Variants in ERI1 observed in about 807,000 individuals in gnomAD.
ERI1 encodes the protein exoribonuclease 1.
ERI1 carries 39 observed loss-of-function variants against 39.7 expected under a neutral mutation model. The observed-to-expected ratio is 0.98, with a 90% CI of 0.76 to 1.28. The LOEUF is 1.28. Among genes scored for constraint, ERI1 ranks in the 50% most tolerant of loss-of-function variants. ERI1 has a pLI of 0.00. For synonymous variants in ERI1, 204 were observed against 149.6 expected (o/e 1.36, Z -2.65); for missense variants, 581 against 416.9 (o/e 1.39, Z -3.43).
chr8:9,021,156 A>G (rs948711098), intron 6 of ERI1, among the ~76,000 whole-genome samples: 2 of 152,152 alleles, frequency 1.3e-5, no homozygotes, highest in Non-Finnish European at 2.9e-5. Flanking sequence ...GAGAGTGTCC[A>G]CAACTTTCCC....
rs1386554700 is a variant in ERI1, at chr8:9,032,816, C to T, written c.*2782C>T. 1.3e-5 allele frequency: 2 copies of T among 152,164 alleles called. No homozygotes were observed. Among genetic ancestry groups the T allele is most frequent in the African/African-American group, 4.8e-5 (2 of 41,430 alleles). 9.4% of individuals were successfully genotyped at this position (152,164 alleles called of 1,614,324 possible). On this transcript the variant is annotated 3_prime_UTR_variant, in exon 7 of 7. Coordinates refer to ENST00000250263, the MANE Select transcript of ERI1 (RefSeq NM_153332.4). Reference sequence around the variant, plus strand: ...CAAGATAATAATGCATGTTTGGCCTCAGCTGTAGTTGCCAAAGAAACTACC... The same window carrying T: ...CAAGATAATAATGCATGTTTGGCCTTAGCTGTAGTTGCCAAAGAAACTACC...
At chr8:9,044,953 T>C (rs745864140) in intron 3 of ERI1, among the ~76,000 whole-genome samples, 2 of 152,052 alleles carry the variant, frequency 1.3e-5, no homozygotes, top group Non-Finnish European at 2.9e-5. Context: ...AGAGTAGTAA[T>C]ATTGCCAGGC....
chr8:9,005,927 G>C (rs1434225005), intron 1 of ERI1, among the ~76,000 whole-genome samples: 2 of 152,084 alleles, frequency 1.3e-5, no homozygotes, highest in Non-Finnish European at 1.5e-5. Flanking sequence ...CCACTTAATT[G>C]AATACGTGAA....
chr8:9,023,955 C>T (rs543221982), intron 6 of ERI1, among the ~76,000 whole-genome samples: 45 of 151,832 alleles, frequency 3.0e-4, no homozygotes, highest in East Asian at 1.9e-4. Context: ...TGTGCCACCA[C>T]GTCTGGCTGA....
intron 3 of ERI1, among the ~76,000 whole-genome samples, chr8:9,059,204 A>C (rs1305698748): frequency 6.6e-6 from 1 of 152,138 alleles, no homozygotes; most frequent in Non-Finnish European, 1.5e-5. Flanking sequence ...GGCCATTTTC[A>C]CTTGTTTTGT....
intron 2 of ERI1, among the ~76,000 whole-genome samples, chr8:9,009,334 A>G (rs1391105918): frequency 6.6e-6 from 1 of 152,216 alleles, no homozygotes; most frequent in Non-Finnish European, 1.5e-5. Flanking sequence ...GCATGAGAAT[A>G]CAGAGGAGAA....
intron 3 of ERI1, among the ~76,000 whole-genome samples, chr8:9,042,220 GC>G (rs755849104): frequency 1.3e-5 from 2 of 152,162 alleles, no homozygotes; most frequent in Non-Finnish European, 2.9e-5. Context: ...TTGCCAGAAT[GC>G]CTCACCCAGC....
chr8:9,060,329 T>C (rs1798650601), intron 3 of ERI1, among the ~76,000 whole-genome samples: 1 of 152,144 alleles, frequency 6.6e-6, no homozygotes, highest in Non-Finnish European at 1.5e-5. Flanking sequence ...AGTGAAAGTG[T>C]CTACCCAGAC....
chr8:9,077,940 C>T (rs1355707175), intron 3 of ERI1, among the ~76,000 whole-genome samples: 1 of 152,164 alleles, frequency 6.6e-6, no homozygotes, highest in Non-Finnish European at 1.5e-5. Context: ...TCCTGTGTTC[C>T]CAGAATACTC....
downstream of ERI1, among the ~76,000 whole-genome samples, chr8:9,038,279 C>T (rs1045131452): frequency 1.3e-5 from 2 of 152,116 alleles, no homozygotes; most frequent in Admixed American, 1.3e-4. Context: ...CCCTCTTATC[C>T]GTGGTTTTGC....
In ERI1 at chr8:9,007,334, A is replaced by G. The variant is rs1420513550; in HGVS notation, c.109-636A>G. On this transcript the variant is annotated intron_variant, in intron 1 of 6. Coordinates refer to ENST00000250263, the MANE Select transcript of ERI1 (RefSeq NM_153332.4). ...GTCCATTTTGTTTTTATGTTGGGCAATTTTTGTTAACTTTGTGAAATGAAG... is the reference window on the plus strand; with the variant it reads ...GTCCATTTTGTTTTTATGTTGGGCAGTTTTTGTTAACTTTGTGAAATGAAG... Among the ~76,000 whole-genome samples, 6 of 152,318 alleles carry G rather than the reference A, an allele frequency of 3.9e-5. No homozygotes were observed. In the East Asian group the frequency reaches 7.7e-4, roughly 20 times the overall value.
intron 3 of ERI1, among the ~76,000 whole-genome samples, chr8:9,014,428 T>C (rs906489691): frequency 6.6e-6 from 1 of 152,168 alleles, no homozygotes; most frequent in Non-Finnish European, 1.5e-5. Context: ...TGCTCTACTT[T>C]CCTTTGCTTG....
At chr8:9,013,705 C>G (rs1299808057) in intron 3 of ERI1, among the ~76,000 whole-genome samples, 2 of 152,088 alleles carry the variant, frequency 1.3e-5, no homozygotes, top group Non-Finnish European at 2.9e-5. Context: ...TTGAACTTAC[C>G]CCAGCCCATT....
chr8:9,009,448 A>G (rs911813729), intron 2 of ERI1, among the ~76,000 whole-genome samples: 1 of 152,186 alleles, frequency 6.6e-6, no homozygotes, highest in Non-Finnish European at 1.5e-5. Flanking sequence ...TTCTAATTCC[A>G]GTTTGTATGG....
At chr8:9,042,465 C>T (rs1798056672) in intron 3 of ERI1, among the ~76,000 whole-genome samples, 1 of 152,186 alleles carries the variant, frequency 6.6e-6, no homozygotes, top group Non-Finnish European at 1.5e-5. Flanking sequence ...CTCCCGCCTC[C>T]AACACACACA....
At chr8:9,013,902 G>C (rs1328065164) in intron 3 of ERI1, among the ~76,000 whole-genome samples, 3 of 152,280 alleles carry the variant, frequency 2.0e-5, no homozygotes, top group Non-Finnish European at 2.9e-5. Context: ...CTGAACTGCT[G>C]TGACTTCATT....
chr8:9,099,383 C>T (rs1585310492), intron 3 of ERI1, among the ~76,000 whole-genome samples: 1 of 151,928 alleles, frequency 6.6e-6, no homozygotes, highest in Non-Finnish European at 1.5e-5. Flanking sequence ...TTTGCTTGAG[C>T]CCAGGAGTTC....
At chr8:9,068,552 G>A (rs554110239) in intron 3 of ERI1, among the ~76,000 whole-genome samples, 2 of 152,240 alleles carry the variant, frequency 1.3e-5, no homozygotes, top group African/African-American at 4.8e-5. Flanking sequence ...GGGAGCACTG[G>A]CCAATTGCCA....
intron 3 of ERI1, among the ~76,000 whole-genome samples, chr8:9,015,567 A>G (rs1585201741): frequency 6.6e-6 from 1 of 151,894 alleles, no homozygotes; most frequent in African/African-American, 2.4e-5. Flanking sequence ...CTAAAAATAC[A>G]AAAGATCAGC....
Sources: gnomAD v4.1 joint callset for allele counts (sites outside exome capture counted in the v4.1 genomes callset) on GRCh38, gnomAD v4.1.1 for gene constraint, MANE v1.5 for transcripts, NCBI Gene and HGNC (gene_info 2026-07-23, HGNC 2026-07-21) for gene names.